SOX7: variants seen among roughly 807,000 people sequenced by gnomAD.
The protein encoded by SOX7 is SRY-box transcription factor 7, also known as transcription factor SOX-7.
SOX7 carries 19 observed loss-of-function variants against 24.9 expected under a neutral mutation model. The ratio of observed to expected loss-of-function variants is 0.76; its 90% CI spans 0.53 to 1.12. The LOEUF (loss-of-function observed/expected upper bound fraction) is 1.12. Ranked by LOEUF, SOX7 falls within the 50% of genes most tolerant of loss-of-function variation. The pLI is 0.00. For synonymous variants in SOX7, 327 were observed against 244.5 expected (o/e 1.34, Z -3.15); for missense variants, 702 against 535.0 (o/e 1.31, Z -3.08).
At chr8:10,727,091 T>C (rs1800170471) in intron 1 of SOX7, among the ~76,000 whole-genome samples, 1 of 152,220 alleles carries the variant, frequency 6.6e-6, no homozygotes, top group Admixed American at 6.5e-5. Context: ...TGAAAATCTC[T>C]GCCTTCATTG....
rs948829462 is a variant in SOX7 at position 10,726,245 on chromosome 8, G to A, written c.660C>T (p.Phe220=). 1.9e-6 allele frequency: 3 copies of A among 1,613,654 alleles called. No individual in the cohort carries two copies. The highest frequency in any genetic ancestry group is 1.7e-5 in the Admixed American group (1 of 59,994). Residue 220 remains phenylalanine (F), a synonymous_variant, in exon 2 of 2, where the codon TTC becomes TTT. Transcript: ENST00000304501. The part of the protein sequence containing the change: ...LDVLEPEQTF[F]SSPCQEEHGH... Reference sequence around the variant, plus strand: ...CATGCTCCTCCTGGCAGGGGGAGGAGAAGAAGGTCTGCTCCGGCTCCAGCA... The same window carrying A: ...CATGCTCCTCCTGGCAGGGGGAGGAAAAGAAGGTCTGCTCCGGCTCCAGCA...
Position 10,730,321 on chromosome 8 carries a change from TC to T in SOX7, c.112del (p.Asp38ThrfsTer12). 3 of 1,572,116 alleles carry T rather than the reference TC, an allele frequency of 1.9e-6. No homozygotes were observed. Among genetic ancestry groups the T allele is most frequent in the Non-Finnish European group, 2.6e-6 (3 of 1,162,340 alleles). On this transcript the variant is annotated frameshift_variant, in exon 1 of 2. Transcript: ENST00000304501. LOFTEE classifies it high-confidence loss of function. This position sits in a 1 kb window ranked among gnomAD's most constrained non-coding sequence, Gnocchi z 4.8. ...CCGGATACGGCTCTCGGAGCCCTTG[TC>T]CCCCGGGGGCCGGGGGACGGCCGGC... is the stretch of plus-strand genomic sequence containing the variant. ...SPPAVPRPPGDKGSESRIRRP... is the reference protein window; with the variant it reads ...SPPAVPRPPGXKGSESRIRRP...
Position 10,725,903 on chromosome 8 carries a change from C to T in SOX7, c.1002G>A (p.Gln334=), listed in dbSNP as rs368213713. Residue 334 remains glutamine, a synonymous_variant, in exon 2 of 2, where the codon CAG becomes CAA. Coordinates refer to ENST00000304501, the MANE Select transcript of SOX7 (RefSeq NM_031439.4). ...CTGGGTGGCCAGGAGTGTTCAAATA[C>T]TGGTCGAATTCATTGCGATCCATGT... ...LGDMDRNEFD[Q]YLNTPGHPDS... 1 of 1,614,222 alleles carries T rather than the reference C, an allele frequency of 6.2e-7. No homozygotes were observed.
chr8:10,727,234 C>A (rs907804285), intron 1 of SOX7, among the ~76,000 whole-genome samples: 3 of 152,208 alleles, frequency 2.0e-5, no homozygotes, highest in Non-Finnish European at 4.4e-5. Flanking sequence ...CTTAGGTTAA[C>A]AAATACCTAT....
chr8:10,726,976 C>A (rs954329428), intron 1 of SOX7, among the ~76,000 whole-genome samples: 2 of 152,220 alleles, frequency 1.3e-5, no homozygotes, highest in African/African-American at 2.4e-5. Flanking sequence ...GAAAAGCCCA[C>A]CTGACCATAT....
chr8:10,730,043 C>G lies in SOX7; in HGVS notation c.238+153G>C, dbSNP rs1361739518. 6.6e-6 allele frequency among the ~76,000 whole-genome samples: 1 copy of G among 152,020 alleles called. No individual in the cohort carries two copies. Among genetic ancestry groups the G allele is most frequent in the East Asian group, 1.9e-4 (1 of 5,138 alleles). ...CCTGGGCACCGCGAGCACCCACGCTCGCGCAGATGGCCAGCCACGCGGGCA... is the reference window on the plus strand; with the variant it reads ...CCTGGGCACCGCGAGCACCCACGCTGGCGCAGATGGCCAGCCACGCGGGCA... On this transcript the variant is annotated intron_variant, in intron 1 of 1. Coordinates refer to ENST00000304501, the MANE Select transcript of SOX7 (RefSeq NM_031439.4). The surrounding 1 kb of genome is among the most constrained non-coding windows in gnomAD (Gnocchi z 4.8).
Position 10,724,155 on chromosome 8 carries a change from T to C in SOX7, c.*1583A>G, listed in dbSNP as rs2129062635. 1 of 152,358 alleles carries C rather than the reference T, an allele frequency of 6.6e-6. No homozygotes were observed. Among genetic ancestry groups the C allele is most frequent in the South Asian group, 2.1e-4 (1 of 4,830 alleles). The allele number at this position is 152,358 out of a possible 1,614,324, so 9.4% of individuals were successfully genotyped here. ...AAAATCAAAAAACCAACAACTGTCT[T>C]TCAGCACACTGTTATGCATGCTCCT... On this transcript the variant is annotated 3_prime_UTR_variant, in exon 2 of 2. Transcript: ENST00000304501.
chr8:10,725,734 A>C lies in SOX7; in HGVS notation c.*4T>G, dbSNP rs370493204. ...AGGGCTGACCGGACGGGGCGCCTCCAGCTCTATGACACACTGTAGCTGTTG... is the reference window on the plus strand; with the variant it reads ...AGGGCTGACCGGACGGGGCGCCTCCCGCTCTATGACACACTGTAGCTGTTG... On this transcript the variant is annotated 3_prime_UTR_variant, in exon 2 of 2. Coordinates refer to ENST00000304501, the MANE Select transcript of SOX7 (RefSeq NM_031439.4). The C allele has an allele frequency of 5.5e-5, 89 of 1,613,984 alleles. No homozygotes were observed. The highest frequency in any genetic ancestry group is 7.0e-5 in the Non-Finnish European group (83 of 1,180,016).
chr8:10,729,556 A>T (rs1394863825), intron 1 of SOX7: 1 of 151,878 alleles, frequency 6.6e-6, no homozygotes, highest in Non-Finnish European at 1.5e-5. Flanking sequence ...GGGTTCCAGG[A>T]CAGCCCAAGC....
intron 1 of SOX7, among the ~76,000 whole-genome samples, chr8:10,727,741 G>A (rs1800183223): frequency 6.6e-6 from 1 of 152,280 alleles, no homozygotes. Context: ...CCTAAGGTGG[G>A]CTCAGGATTC....
rs138865469 is a variant in SOX7 at position 10,726,446 on chromosome 8, C to A, written c.459G>T (p.Arg153=). The A allele has an allele frequency of 6.2e-7, 1 of 1,612,292 alleles. No homozygotes were observed. Among genetic ancestry groups the A allele is most frequent in the Non-Finnish European group, 8.5e-7 (1 of 1,179,728 alleles). Residue 153 remains arginine, a synonymous_variant, in exon 2 of 2, where the codon CGG becomes CGT. Transcript: ENST00000304501. The stretch of plus-strand genomic sequence containing the variant: ...TGTCCTCCTTCTCCCCCAGCGCCCC[C>A]CGGCTGCCGCTTCTCTTCTCCGGCA... ...NALPEKRSGS[R]GALGEKEDRG...
rs1049235175 is a variant in SOX7, at chr8:10,723,850, T to C, written c.*1888A>G. The C allele has an allele frequency of 1.3e-5, 2 of 152,648 alleles. No homozygotes were observed. The highest frequency in any genetic ancestry group is 4.8e-5 in the African/African-American group (2 of 41,454). The allele number at this position is 152,648 out of a possible 1,614,324, so 9.5% of individuals were successfully genotyped here. On this transcript the variant is annotated 3_prime_UTR_variant, in exon 2 of 2. Transcript: ENST00000304501. Reference sequence around the variant, plus strand: ...CTGTTCCAAAGTATGAGTTGTTCTTTCAAAAAAACGAAACAGTTTAGCTTA... The same window carrying C: ...CTGTTCCAAAGTATGAGTTGTTCTTCCAAAAAAACGAAACAGTTTAGCTTA...
chr8:10,728,147 C>G (rs115827285), intron 1 of SOX7, among the ~76,000 whole-genome samples: 1 of 152,248 alleles, frequency 6.6e-6, no homozygotes, highest in African/African-American at 2.4e-5. Context: ...GATGCAGGTG[C>G]ACCCCATACT....
At position 10,730,438 on chromosome 8, in the gene SOX7, GCA is replaced by G; in HGVS notation, c.-7_-6del. On this transcript the variant is annotated 5_prime_UTR_variant, in exon 1 of 2. Coordinates refer to ENST00000304501, the MANE Select transcript of SOX7 (RefSeq NM_031439.4). The surrounding 1 kb of genome is among the most constrained non-coding windows in gnomAD (Gnocchi z 4.8). ...GGCTCCCAGCAGCGAAGCCATGGCC[GCA>G]CGCGGGTCGCCTCGCTTCGCCTGGC... The G allele has an allele frequency of 1.4e-6, 2 of 1,462,478 alleles. No individual in the cohort carries two copies. 90.6% of individuals were successfully genotyped at this position (1,462,478 alleles called of 1,614,324 possible). A position where few individuals can be genotyped will look rare whatever the true frequency, so the allele number is the denominator to read the frequency against.
chr8:10,726,123 G>T lies in SOX7; in HGVS notation c.782C>A (p.Ala261Asp), dbSNP rs1217339742. Reference sequence around the variant, plus strand: ...GGAGACGCCGGGGGACTGGCCAAGGGCCAGGGAGCCCAGGGGGTGGCTACA... The same window carrying T: ...GGAGACGCCGGGGGACTGGCCAAGGTCCAGGGAGCCCAGGGGGTGGCTACA... ...LHCSHPLGSL[A>D]LGQSPGVSMM... is the part of the protein sequence containing the mutation. Residue 261 changes from alanine to aspartate, a missense_variant, in exon 2 of 2, where the codon GCC (alanine) becomes GAC (aspartate). By Grantham distance (126) the Ala-to-Asp change is moderately radical. Transcript: ENST00000304501. The T allele has an allele frequency of 1.3e-6, 2 of 1,578,776 alleles. No individual in the cohort carries two copies. The highest frequency in any genetic ancestry group is 4.5e-5 in the East Asian group (2 of 44,694).
chr8:10,726,346 C>G lies in SOX7; in HGVS notation c.559G>C (p.Gly187Arg). ...CYHEGPAGGG[G>R]GGTPSSVDTY... is the part of the protein sequence containing the mutation. Reference sequence around the variant, plus strand: ...TCCACACTGCTCGGGGTGCCGCCGCCGCCACCACCAGCCGGCCCCTCGTGG... The same window carrying G: ...TCCACACTGCTCGGGGTGCCGCCGCGGCCACCACCAGCCGGCCCCTCGTGG... Residue 187 changes from glycine (G) to arginine (R), a missense_variant, in exon 2 of 2, where the codon GGC becomes CGC. Transcript: ENST00000304501. The G allele has an allele frequency of 6.2e-7, 1 of 1,612,588 alleles. No individual in the cohort carries two copies. Among genetic ancestry groups the G allele is most frequent in the Non-Finnish European group, 8.5e-7 (1 of 1,179,634 alleles).
chr8:10,726,224 C>T lies in SOX7; in HGVS notation c.681G>A (p.Glu227=). 8.1e-6 allele frequency: 13 copies of T among 1,613,050 alleles called. No homozygotes were observed. The highest frequency in any genetic ancestry group is 1.1e-5 in the South Asian group (1 of 91,038). The change falls in exon 2 of 2, where the codon GAG becomes GAA. Residue 227 remains glutamate, a synonymous_variant. Transcript: ENST00000304501. ...GGGGGATGCGGCGGGGATGGCCATGCTCCTCCTGGCAGGGGGAGGAGAAGA... is the reference window on the plus strand; with the variant it reads ...GGGGGATGCGGCGGGGATGGCCATGTTCCTCCTGGCAGGGGGAGGAGAAGA... The part of the protein sequence containing the change: ...QTFFSSPCQE[E]HGHPRRIPHL...
Position 10,725,775 on chromosome 8 carries a change from G to C in SOX7, c.1130C>G (p.Ala377Gly), listed in dbSNP as rs1242442107. 1 of 1,614,200 alleles carries C rather than the reference G, an allele frequency of 6.2e-7. No individual in the cohort carries two copies. The highest frequency in any genetic ancestry group is 8.5e-7 in the Non-Finnish European group (1 of 1,180,036). Residue 377 changes from alanine to glycine, a missense_variant, in exon 2 of 2, where the codon GCC becomes GGC. By Grantham distance (60) the Ala-to-Gly change is moderately conservative. Transcript: ENST00000304501. ...GTAGCTGTTGTAGTACGTGGCCGTGGCATCAGCCAGGACGGAGATGAGGCT... is the reference window on the plus strand; with the variant it reads ...GTAGCTGTTGTAGTACGTGGCCGTGCCATCAGCCAGGACGGAGATGAGGCT... ...ETSLISVLAD[A>G]TATYYNSYSV...
At chr8:10,727,387 T>C (rs772357451) in intron 1 of SOX7, among the ~76,000 whole-genome samples, 6 of 152,204 alleles carry the variant, frequency 3.9e-5, no homozygotes, top group Non-Finnish European at 7.3e-5. Context: ...GCCAGCCATC[T>C]TTTGGGGACC....
Sources: allele counts gnomAD v4.1 joint callset (sites outside exome capture counted in the v4.1 genomes callset), GRCh38; gene constraint gnomAD v4.1.1; non-coding constraint Gnocchi (gnomAD v3.1); transcripts MANE v1.5; gene names NCBI Gene and HGNC (gene_info 2026-07-23, HGNC 2026-07-21).